PDZRN3: variants seen among roughly 807,000 people sequenced by gnomAD.
PDZRN3 encodes E3 ubiquitin-protein ligase PDZRN3.
A neutral mutation model predicts 85.7 loss-of-function variants in PDZRN3; 38 were observed. The observed-to-expected ratio is 0.44, with a 90% CI of 0.34 to 0.58. The LOEUF (loss-of-function observed/expected upper bound fraction) is 0.58, where lower values mean the gene tolerates loss of function less well. PDZRN3 is among the 20% of genes least tolerant of loss of function. The pLI is 0.01. For synonymous variants in PDZRN3, 759 were observed against 638.0 expected, an observed-to-expected ratio of 1.19 and a Z score of -2.86; for missense variants, 1,629 against 1,506.4, an observed-to-expected ratio of 1.08 and a Z score of -1.35.
At chr3:73,583,712 T>A (rs916113187) in intron 3 of PDZRN3, among the ~76,000 whole-genome samples, 5 of 152,168 alleles carry the variant, frequency 3.3e-5, no homozygotes, top group Non-Finnish European at 7.3e-5. Flanking sequence ...TCACACAATC[T>A]GTCACTGTAG....
At chr3:73,470,756 T>C (rs570978116) in intron 3 of PDZRN3, among the ~76,000 whole-genome samples, 31 of 152,296 alleles carry the variant, frequency 2.0e-4, no homozygotes, top group Admixed American at 1.7e-3. Flanking sequence ...CAAGTCTACA[T>C]GCAGGACCCA....
chr3:73,386,194 G>C (rs1701378680), intron 8 of PDZRN3, among the ~76,000 whole-genome samples: 1 of 138,058 alleles, frequency 7.2e-6, no homozygotes, highest in African/African-American at 2.6e-5. Context: ...TTCTGATACA[G>C]TAACTAGCTG....
In PDZRN3 at chr3:73,624,279, C is replaced by T; in HGVS notation, c.547G>A (p.Ala183Thr). ...GCGCGCAGCGCCTCCTTCTTGAGCG[C>T]CTTGTGCAGCGCGCCCAGGCGGGCC... Reference protein sequence around the residue: ...LQARLGALHKALKKEALRAGK... With the variant: ...LQARLGALHKTLKKEALRAGK... Residue 183 changes from alanine (A) to threonine (T), a missense_variant, in exon 1 of 10, where the codon GCG becomes ACG. Transcript: ENST00000263666. The T allele has an allele frequency of 7.2e-7, 1 of 1,388,962 alleles. No individual in the cohort carries two copies. Among genetic ancestry groups the T allele is most frequent in the Non-Finnish European group, 9.3e-7 (1 of 1,079,710 alleles). 86.0% of individuals were successfully genotyped at this position (1,388,962 alleles called of 1,614,324 possible). A position where few individuals can be genotyped will look rare whatever the true frequency, so the allele number is the denominator to read the frequency against.
intron 3 of PDZRN3, among the ~76,000 whole-genome samples, chr3:73,491,184 G>A (rs924284878): frequency 7.2e-5 from 11 of 152,198 alleles, no homozygotes; most frequent in African/African-American, 1.9e-4. Context: ...ATTTTAAATC[G>A]GTGAAGTTCT....
intron 3 of PDZRN3, among the ~76,000 whole-genome samples, chr3:73,497,544 G>T (rs1303406968): frequency 6.6e-6 from 1 of 152,204 alleles, no homozygotes; most frequent in East Asian, 1.9e-4. Context: ...AAAGGCTCAA[G>T]AATTAAAGGT....
intron 5 of PDZRN3, among the ~76,000 whole-genome samples, chr3:73,391,538 TCA>T (rs1701527880): frequency 1.3e-5 from 2 of 152,152 alleles, no homozygotes; most frequent in Non-Finnish European, 2.9e-5. Flanking sequence ...CCCTTAATAT[TCA>T]CAGTCATAGA....
chr3:73,515,412 G>A (rs1222257655), intron 3 of PDZRN3, among the ~76,000 whole-genome samples: 1 of 151,994 alleles, frequency 6.6e-6, no homozygotes, highest in Admixed American at 6.6e-5. Context: ...TCCTGACCTC[G>A]TGATCTGCCT....
intron 3 of PDZRN3, among the ~76,000 whole-genome samples, chr3:73,513,079 G>A (rs527871573): frequency 7.2e-5 from 11 of 152,296 alleles, no homozygotes; most frequent in Admixed American, 7.2e-4. Context: ...GGAGGCTGCA[G>A]CCACAGCCTC....
chr3:73,486,450 G>A (rs1703662977), intron 3 of PDZRN3, among the ~76,000 whole-genome samples: 1 of 151,908 alleles, frequency 6.6e-6, no homozygotes, highest in Non-Finnish European at 1.5e-5. Flanking sequence ...CCTGAAAACA[G>A]CCCCATTAAA....
chr3:73,617,228 G>C lies in PDZRN3; in HGVS notation c.723+6875C>G, dbSNP rs533338029. Among the ~76,000 whole-genome samples, 4 of 152,282 alleles carry C rather than the reference G, an allele frequency of 2.6e-5. No individual in the cohort carries two copies. The South Asian group carries it at 8.3e-4, about 32-fold the overall frequency. On this transcript the variant is annotated intron_variant, in intron 1 of 9. Coordinates refer to ENST00000263666, the MANE Select transcript of PDZRN3 (RefSeq NM_015009.3). ...AAGGCCTGCAACATACAAAGATTAC[G>C]CGGTGCCTCTGCTCTTTAAATTCCC... is the stretch of plus-strand genomic sequence containing the variant.
intron 8 of PDZRN3, among the ~76,000 whole-genome samples, chr3:73,386,924 A>C (rs550517483): frequency 2.0e-5 from 3 of 152,162 alleles, no homozygotes; most frequent in African/African-American, 7.2e-5. Context: ...CTCACCTTGA[A>C]TTGTAGCTCC....
intron 3 of PDZRN3, among the ~76,000 whole-genome samples, chr3:73,546,614 T>A (rs1395849599): frequency 6.6e-6 from 1 of 152,226 alleles, no homozygotes; most frequent in Non-Finnish European, 1.5e-5. Flanking sequence ...GGTTCTGCAA[T>A]ACGTAATTCA....
chr3:73,384,525 C>G lies in PDZRN3; in HGVS notation c.2041G>C (p.Val681Leu). ...TTCAGCAGCTCCAGCTCCTTGTCCA[C>G]GCTCTCAGGGTCACTCTTGCCGGCG... ...LDAGKSDPESVDKELELLNEE... is the reference protein window; with the variant it reads ...LDAGKSDPESLDKELELLNEE... The change falls in exon 10 of 10, where the codon GTG (valine) becomes CTG (leucine). Residue 681 changes from valine (V) to leucine (L), a missense_variant. Transcript: ENST00000263666. 2 of 1,613,726 alleles carry G rather than the reference C, an allele frequency of 1.2e-6. No homozygotes were observed. The highest frequency in any genetic ancestry group is 1.7e-6 in the Non-Finnish European group (2 of 1,180,030).
intron 3 of PDZRN3, among the ~76,000 whole-genome samples, chr3:73,537,443 G>C (rs1181244509): frequency 6.6e-6 from 1 of 152,128 alleles, no homozygotes; most frequent in African/African-American, 2.4e-5. Context: ...TATTTGACCA[G>C]GTGGCTTAAA....
intron 3 of PDZRN3, among the ~76,000 whole-genome samples, chr3:73,475,154 T>C (rs1236062396): frequency 6.6e-6 from 1 of 152,202 alleles, no homozygotes; most frequent in African/African-American, 2.4e-5. Context: ...CTCCAAGCTC[T>C]GATGTTCATG....
intron 1 of PDZRN3, among the ~76,000 whole-genome samples, chr3:73,615,543 T>A (rs1394395376): frequency 6.6e-6 from 1 of 152,140 alleles, no homozygotes; most frequent in African/African-American, 2.4e-5. Flanking sequence ...AGTGCCCTTA[T>A]AAAGGGGCCC....
intron 3 of PDZRN3, among the ~76,000 whole-genome samples, chr3:73,409,525 G>C (rs918039009): frequency 2.0e-5 from 3 of 152,174 alleles, no homozygotes; most frequent in African/African-American, 7.2e-5. Flanking sequence ...GAATGTCACT[G>C]AAAGAAGTTC....
intron 3 of PDZRN3, among the ~76,000 whole-genome samples, chr3:73,533,833 C>A (rs1704716537): frequency 6.6e-6 from 1 of 152,176 alleles, no homozygotes; most frequent in Admixed American, 6.5e-5. Context: ...TTTCTCCCCT[C>A]TGCATGCAGG....
At chr3:73,589,446 A>G (rs1440396148) in intron 3 of PDZRN3, among the ~76,000 whole-genome samples, 3 of 152,216 alleles carry the variant, frequency 2.0e-5, no homozygotes, top group African/African-American at 7.2e-5. Context: ...GAAAAGAAAA[A>G]TGTTATTTAA....
Sources: gnomAD v4.1 joint callset for allele counts (sites outside exome capture counted in the v4.1 genomes callset) on GRCh38, gnomAD v4.1.1 for gene constraint, MANE v1.5 for transcripts, NCBI Gene and HGNC (gene_info 2026-07-23, HGNC 2026-07-21) for gene names.